Variants in DROSHA observed in about 807,000 individuals in gnomAD.
The protein encoded by DROSHA is drosha ribonuclease III, also known as ribonuclease 3.
A neutral mutation model predicts 181.9 loss-of-function variants in DROSHA; 56 were observed. That is an observed-to-expected ratio of 0.31 (90% CI 0.25 to 0.38). The LOEUF (loss-of-function observed/expected upper bound fraction) is 0.38, where lower values mean the gene tolerates loss of function less well. Among genes scored for constraint, DROSHA ranks in the 10% least tolerant of loss-of-function variants. The pLI is 1.00. For missense variants in DROSHA, 1,218 were observed against 1,743.5 expected, an observed-to-expected ratio of 0.70 and a Z score of 5.37; for synonymous variants, 524 against 591.2, an observed-to-expected ratio of 0.89 and a Z score of 1.65.
chr5:31,433,414 T>C (rs1445922165), intron 25 of DROSHA, among the ~76,000 whole-genome samples: 3 of 152,242 alleles, frequency 2.0e-5, no homozygotes, highest in African/African-American at 7.2e-5. Flanking sequence ...GAGCCCTGCT[T>C]GCAAGCAGAC....
chr5:31,511,216 T>A, intron 8 of DROSHA, 40 bp from the exon 9 acceptor site: 1 of 1,569,984 alleles, frequency 6.4e-7, no homozygotes, highest in Non-Finnish European at 8.7e-7. Context: ...ACTATATCAA[T>A]AACGATCATA....
At position 31,435,853 on chromosome 5, in the gene DROSHA, T is replaced by A; in HGVS notation, c.2954A>T (p.Tyr985Phe). Residue 985 changes from tyrosine (Y) to phenylalanine (F), a missense_variant, in exon 25 of 36, where the codon TAC (tyrosine) becomes TTC (phenylalanine). Around this residue, in one of 8 missense-constraint regions of DROSHA, gnomAD observed 460 missense variants for 774.2 expected, o/e 0.59. Coordinates refer to ENST00000344624, the MANE Select transcript of DROSHA (RefSeq NM_001382508.1). The part of the protein sequence containing the change: ...VVEFLTSVHL[Y>F]YLFPSLEEGG... Reference sequence around the variant, plus strand: ...TTCTTCCAGACTAGGAAACAAATAGTACAAATGGACGCTACAAAAAAAAAA... The same window carrying A: ...TTCTTCCAGACTAGGAAACAAATAGAACAAATGGACGCTACAAAAAAAAAA... The A allele has an allele frequency of 6.2e-7, 1 of 1,611,600 alleles. No homozygotes were observed. The highest frequency in any genetic ancestry group is 1.1e-5 in the South Asian group (1 of 90,702).
chr5:31,479,630 A>G (rs573887643), intron 16 of DROSHA, among the ~76,000 whole-genome samples: 2 of 152,304 alleles, frequency 1.3e-5, no homozygotes, highest in East Asian at 3.9e-4. Flanking sequence ...AAGAATTTCT[A>G]TTCAACAAAA....
At chr5:31,528,073 G>C (rs930507920) in intron 4 of DROSHA, among the ~76,000 whole-genome samples, 7 of 152,064 alleles carry the variant, frequency 4.6e-5, no homozygotes, top group African/African-American at 1.7e-4. Flanking sequence ...TTCTCTGGCT[G>C]TTCCTCCTGG....
chr5:31,455,809 T>G (rs1004383382), intron 20 of DROSHA, among the ~76,000 whole-genome samples: 3 of 151,822 alleles, frequency 2.0e-5, no homozygotes, highest in Admixed American at 1.3e-4. Context: ...CCCAGCTAAT[T>G]TTTTGTATTT....
At chr5:31,479,824 T>C (rs1750819614) in intron 16 of DROSHA, among the ~76,000 whole-genome samples, 2 of 152,060 alleles carry the variant, frequency 1.3e-5, no homozygotes, top group Admixed American at 1.3e-4. Context: ...AGTGAGCATA[T>C]ATACATATTT....
chr5:31,531,259 G>A (rs1741319797), intron 2 of DROSHA, among the ~76,000 whole-genome samples, 191 bp downstream of exon 2: 1 of 152,218 alleles, frequency 6.6e-6, no homozygotes, highest in South Asian at 2.1e-4. Flanking sequence ...CTAGAGGTGG[G>A]CAAAAGTCAG....
chr5:31,483,082 G>A (rs1751219608), intron 16 of DROSHA, among the ~76,000 whole-genome samples: 1 of 151,932 alleles, frequency 6.6e-6, no homozygotes, highest in South Asian at 2.1e-4. Context: ...TTTATTGGGA[G>A]AAAAAATTAT....
At chr5:31,478,070 G>A (rs768365992) in intron 16 of DROSHA, among the ~76,000 whole-genome samples, 8 of 152,080 alleles carry the variant, frequency 5.3e-5, no homozygotes, top group Non-Finnish European at 1.0e-4. Context: ...ATAATAAACT[G>A]ACATAAACAA....
intron 33 of DROSHA, among the ~76,000 whole-genome samples, chr5:31,408,578 C>T (rs1740925449): frequency 6.6e-6 from 1 of 152,112 alleles, no homozygotes; most frequent in Admixed American, 6.5e-5. Context: ...TGGCTTTTGA[C>T]ACACATTCTG....
At chr5:31,472,367 C>T in intron 16 of DROSHA, 135 bp from the exon 17 acceptor site, 1 of 1,066,524 alleles carries the variant, frequency 9.4e-7, no homozygotes, top group Non-Finnish European at 1.3e-6. Flanking sequence ...GTAAAATTTA[C>T]ACTGTTTAAC....
At chr5:31,493,937 T>TTGTGTGTGTGTGTGTGTGTGTGTGTG (rs67311624) in intron 12 of DROSHA, among the ~76,000 whole-genome samples, 3 of 144,720 alleles carry the variant, frequency 2.1e-5, no homozygotes, top group African/African-American at 7.9e-5. Context: ...TAACCCACCA[T>TTGTGTGTGTGTGTGTGTGTGTGTGTG]TGTGTGTGTG....
chr5:31,510,403 G>A (rs1738534981), intron 9 of DROSHA, among the ~76,000 whole-genome samples: 1 of 152,204 alleles, frequency 6.6e-6, no homozygotes, highest in Admixed American at 6.5e-5. Flanking sequence ...CGTGTGGGAT[G>A]TAATGGAGGT....
At chr5:31,482,735 GA>G (rs1301687068) in intron 16 of DROSHA, among the ~76,000 whole-genome samples, 1 of 151,706 alleles carries the variant, frequency 6.6e-6, no homozygotes, top group Non-Finnish European at 1.5e-5. Context: ...AATAAAGAAG[GA>G]GTGGGAATAG....
intron 33 of DROSHA, among the ~76,000 whole-genome samples, chr5:31,408,504 C>G (rs1478949604): frequency 1.3e-5 from 2 of 152,100 alleles, no homozygotes; most frequent in Non-Finnish European, 2.9e-5. Flanking sequence ...CCATTACTCA[C>G]CTACATTCCT....
chr5:31,484,550 T>C (rs1015728053), intron 15 of DROSHA, among the ~76,000 whole-genome samples: 1 of 152,000 alleles, frequency 6.6e-6, no homozygotes, highest in African/African-American at 2.4e-5. Context: ...TCTTAGAAGA[T>C]TTATTACAGC....
chr5:31,423,711 T>A (rs916606191), intron 28 of DROSHA, among the ~76,000 whole-genome samples: 2 of 152,200 alleles, frequency 1.3e-5, no homozygotes, highest in African/African-American at 2.4e-5. Context: ...AAGCCTCTTA[T>A]GAGAGTTCAA....
chr5:31,420,478 G>T (rs1414357766), intron 30 of DROSHA, among the ~76,000 whole-genome samples: 1 of 152,116 alleles, frequency 6.6e-6, no homozygotes, highest in Non-Finnish European at 1.5e-5. Context: ...AAATAAAAAA[G>T]CTCACAAAAG....
chr5:31,488,406 C>CT (rs1242718677), intron 13 of DROSHA, among the ~76,000 whole-genome samples: 2 of 127,422 alleles, frequency 1.6e-5, no homozygotes, highest in African/African-American at 3.0e-5. Context: ...GAGCAAAACT[C>CT]TATCACCAAA....
Sources: allele counts gnomAD v4.1 joint callset (sites outside exome capture counted in the v4.1 genomes callset), GRCh38; gene constraint gnomAD v4.1.1; regional missense constraint gnomAD v4.1.1; transcripts MANE v1.5; gene names NCBI Gene and HGNC (gene_info 2026-07-23, HGNC 2026-07-21).